The following TMEM45A variants were observed in gnomAD, a reference collection of about 807,000 sequenced individuals.
The protein encoded by TMEM45A is DNA polymerase-transactivated protein 4.
In TMEM45A, 25 loss-of-function variants were observed where a neutral mutation model predicts 32.0. The ratio of observed to expected loss-of-function variants is 0.78; its 90% CI spans 0.57 to 1.09. The LOEUF is 1.09. Among genes scored for constraint, TMEM45A ranks in the 50% least tolerant of loss-of-function variants. The probability of loss-of-function intolerance (pLI) is 0.00; values close to 1 mark genes in which losing one functional copy is unlikely to be tolerated. For synonymous variants in TMEM45A, 122 were observed against 114.8 expected (o/e 1.06, Z -0.40); for missense variants, 302 against 325.0 (o/e 0.93, Z 0.54).
At chr3:100,552,353 A>G (rs1261125133) in intron 1 of TMEM45A, among the ~76,000 whole-genome samples, 1 of 152,192 alleles carries the variant, frequency 6.6e-6, no homozygotes, top group Non-Finnish European at 1.5e-5. Flanking sequence ...CATGCAAAGA[A>G]GTCACTAATG....
At chr3:100,515,182 G>A (rs1448057374) in intron 1 of TMEM45A, among the ~76,000 whole-genome samples, 2 of 151,992 alleles carry the variant, frequency 1.3e-5, no homozygotes, top group African/African-American at 4.8e-5. Flanking sequence ...GCACACGTAT[G>A]TTTATTGTGT....
intron 1 of TMEM45A, among the ~76,000 whole-genome samples, chr3:100,514,001 T>C (rs1708214922): frequency 6.6e-6 from 1 of 152,126 alleles, no homozygotes; most frequent in Non-Finnish European, 1.5e-5. Context: ...GGAAGAACAT[T>C]CCATGTTCAT....
Position 100,553,955 on chromosome 3 carries a change from A to G in TMEM45A, c.-3-1254A>G, listed in dbSNP as rs113510959. Among the ~76,000 whole-genome samples, 15 of 152,264 alleles carry G rather than the reference A, an allele frequency of 9.9e-5. 1 individual carries two copies. The highest frequency in any genetic ancestry group is 3.4e-4 in the African/African-American group (14 of 41,552). ...TGTATCAGAGGGATGGAAGTAACTCAAAAGGGTCTGTCCTGAACTGAGCAG... is the reference window on the plus strand; with the variant it reads ...TGTATCAGAGGGATGGAAGTAACTCGAAAGGGTCTGTCCTGAACTGAGCAG... On this transcript the variant is annotated intron_variant, in intron 1 of 5. Coordinates refer to ENST00000323523, the MANE Select transcript of TMEM45A (RefSeq NM_018004.3).
At chr3:100,531,159 T>C (rs1705639340) in intron 1 of TMEM45A, among the ~76,000 whole-genome samples, 1 of 152,234 alleles carries the variant, frequency 6.6e-6, no homozygotes, top group African/African-American at 2.4e-5. Context: ...CATTGAAATA[T>C]TTCTGTAAAG....
At chr3:100,542,560 A>T (rs1705906416) in intron 1 of TMEM45A, among the ~76,000 whole-genome samples, 1 of 152,188 alleles carries the variant, frequency 6.6e-6, no homozygotes, top group Non-Finnish European at 1.5e-5. Flanking sequence ...CTATTCAGTC[A>T]ACAAACATCT....
At chr3:100,567,157 T>G (rs1207070767) in intron 4 of TMEM45A, among the ~76,000 whole-genome samples, 3 of 151,898 alleles carry the variant, frequency 2.0e-5, no homozygotes, top group African/African-American at 4.8e-5. Flanking sequence ...TCATTTTATA[T>G]ATATATAATT....
chr3:100,539,833 A>G lies in TMEM45A; in HGVS notation c.-3-15376A>G, dbSNP rs562956674. Among the ~76,000 whole-genome samples the G allele has an allele frequency of 2.0e-5, 3 of 152,308 alleles. No homozygotes were observed. The East Asian group carries it at 5.8e-4, about 29-fold the overall frequency. ...AATGCCCTCTCAGACACACTCAGAA[A>G]TCATGTTTTACCTGCTGCCTGTGCA... On this transcript the variant is annotated intron_variant, in intron 1 of 5. Coordinates refer to ENST00000323523, the MANE Select transcript of TMEM45A (RefSeq NM_018004.3).
chr3:100,568,587 T>C (rs2148994379), intron 4 of TMEM45A, among the ~76,000 whole-genome samples: 1 of 152,336 alleles, frequency 6.6e-6, no homozygotes, highest in East Asian at 1.9e-4. Context: ...AAGATGACTG[T>C]TTATATTTTG....
At chr3:100,537,141 T>A (rs1705756546) in intron 1 of TMEM45A, among the ~76,000 whole-genome samples, 2 of 152,126 alleles carry the variant, frequency 1.3e-5, no homozygotes, top group Non-Finnish European at 2.9e-5. Flanking sequence ...TAGGTTGGTC[T>A]CAAACTCCTG....
chr3:100,499,996 T>C, intron 1 of TMEM45A, among the ~76,000 whole-genome samples: 1 of 152,148 alleles, frequency 6.6e-6, no homozygotes, highest in East Asian at 1.9e-4. Flanking sequence ...CTTTTTGTGG[T>C]GTTTAGAATT....
chr3:100,515,393 C>G (rs1459720746), intron 1 of TMEM45A, among the ~76,000 whole-genome samples: 2 of 148,960 alleles, frequency 1.3e-5, no homozygotes, highest in Non-Finnish European at 3.0e-5. Context: ...AAACCAAACA[C>G]CGCATATTCT....
At chr3:100,500,855 G>A (rs997619891) in intron 1 of TMEM45A, among the ~76,000 whole-genome samples, 21 of 152,318 alleles carry the variant, frequency 1.4e-4, no homozygotes, top group Admixed American at 9.8e-4. Flanking sequence ...TGGTATGCCT[G>A]CACCTTTCTC....
At chr3:100,562,494 G>C (rs916057228) in intron 4 of TMEM45A, among the ~76,000 whole-genome samples, 1 of 152,190 alleles carries the variant, frequency 6.6e-6, no homozygotes, top group Non-Finnish European at 1.5e-5. Flanking sequence ...GATTGGCGAC[G>C]GGAGGGGCTC....
chr3:100,514,820 A>T (rs1361587088), intron 1 of TMEM45A, among the ~76,000 whole-genome samples: 6 of 150,738 alleles, frequency 4.0e-5, no homozygotes, highest in Admixed American at 4.0e-4. Context: ...GGCGAAGGAC[A>T]TGAACAGACA....
At chr3:100,532,232 G>T (rs199630516) in intron 1 of TMEM45A, among the ~76,000 whole-genome samples, 2 of 152,156 alleles carry the variant, frequency 1.3e-5, no homozygotes, top group East Asian at 3.9e-4. Flanking sequence ...AAGGTATTTT[G>T]GTGCCTCCTG....
chr3:100,525,207 G>C (rs574209729), intron 1 of TMEM45A, among the ~76,000 whole-genome samples: 1 of 151,810 alleles, frequency 6.6e-6, no homozygotes, highest in East Asian at 1.9e-4. Context: ...AAGAAAAAGA[G>C]AAAAAAATGG....
intron 1 of TMEM45A, chr3:100,519,682 C>A: frequency 1.7e-5 from 24 of 1,451,746 alleles, no homozygotes; most frequent in Non-Finnish European, 2.3e-5. Flanking sequence ...TTCATAAAGA[C>A]CTAGTTTGAA....
intron 1 of TMEM45A, among the ~76,000 whole-genome samples, chr3:100,493,912 A>G (rs1017782562): frequency 1.3e-5 from 2 of 152,076 alleles, no homozygotes; most frequent in Non-Finnish European, 2.9e-5. Context: ...TTGTATTTTT[A>G]GTAAAGACGG....
At chr3:100,525,676 C>T (rs1705528718) in intron 1 of TMEM45A, among the ~76,000 whole-genome samples, 1 of 152,160 alleles carries the variant, frequency 6.6e-6, no homozygotes, top group African/African-American at 2.4e-5. Flanking sequence ...GGAGACAGAG[C>T]ATTCCAGGTA....
Sources: gnomAD v4.1 joint callset for allele counts (sites outside exome capture counted in the v4.1 genomes callset) on GRCh38, gnomAD v4.1.1 for gene constraint, MANE v1.5 for transcripts, NCBI Gene and HGNC (gene_info 2026-07-23, HGNC 2026-07-21) for gene names.